TXNDC9: variants seen among roughly 807,000 people sequenced by gnomAD.
TXNDC9 encodes thioredoxin domain-containing protein 9.
TXNDC9 carries 7 observed loss-of-function variants against 23.0 expected under a neutral mutation model. The ratio of observed to expected loss-of-function variants is 0.30; its 90% confidence interval spans 0.17 to 0.57. The LOEUF (loss-of-function observed/expected upper bound fraction) is 0.57. TXNDC9 is among the 20% of genes least tolerant of loss of function. The pLI is 0.90. For missense variants in TXNDC9, 198 were observed against 252.6 expected (o/e 0.78, Z 1.47); for synonymous variants, 72 against 90.6 (o/e 0.79, Z 1.17).
rs545711279 is a variant in TXNDC9 at position 99,331,157 on chromosome 2, A to G, written c.189+1865T>C. On this transcript the variant is annotated intron_variant, in intron 2 of 4. Transcript: ENST00000264255. ...TACAAATAATTATTTTTAGTTGCAC[A>G]TTAGCAATTAGTACTTAAATGTGAC... 2.0e-5 allele frequency among the ~76,000 whole-genome samples: 3 copies of G among 152,348 alleles called. No individual in the cohort carries two copies. The South Asian group carries it at 6.2e-4, about 32-fold the overall frequency.
At chr2:99,307,105 TCTCACTCTCTCTCTCTTTC>T in the TXNDC9 span, among the ~76,000 whole-genome samples, 3 of 120,840 alleles carry the variant, frequency 2.5e-5, no homozygotes, top group Admixed American at 2.4e-4. Flanking sequence ...TCTCTCTCCT[TCTCACTCTCTCTCTCTTTC>T]TCTCTCTCTC....
chr2:99,328,696 C>T (rs183248886), intron 2 of TXNDC9, among the ~76,000 whole-genome samples: 72 of 152,036 alleles, frequency 4.7e-4, no homozygotes, highest in Non-Finnish European at 1.8e-4. Flanking sequence ...GCTCATGAGG[C>T]TGGGTGCAGT....
At chr2:99,308,673 G>A in the TXNDC9 span, among the ~76,000 whole-genome samples, 7 of 151,652 alleles carry the variant, frequency 4.6e-5, no homozygotes, top group Non-Finnish European at 7.4e-5. Flanking sequence ...CAACTGGAAA[G>A]GCCTTTAACA....
chr2:99,334,743 C>G (rs2094234599), intron 1 of TXNDC9, among the ~76,000 whole-genome samples: 1 of 152,146 alleles, frequency 6.6e-6, no homozygotes, highest in Non-Finnish European at 1.5e-5. Context: ...GACGGAGTCT[C>G]GCTCTGTCGC....
chr2:99,335,931 C>T (rs2094238528), intron 1 of TXNDC9, among the ~76,000 whole-genome samples: 4 of 152,348 alleles, frequency 2.6e-5, no homozygotes, highest in Admixed American at 2.6e-4. Flanking sequence ...CCTCAAATTC[C>T]CTAGTCATTT....
intron 2 of TXNDC9, among the ~76,000 whole-genome samples, chr2:99,330,692 G>A (rs2094222694): frequency 2.0e-5 from 3 of 152,198 alleles, no homozygotes. Flanking sequence ...GTGCTTGGCT[G>A]ACAGAAGAAT....
chr2:99,321,805 C>CA (rs1324083868), intron 4 of TXNDC9, 150 bp downstream of exon 4: 7 of 928,078 alleles, frequency 7.5e-6, no homozygotes, highest in Admixed American at 3.1e-5. Context: ...TTACACACTT[C>CA]AAAAAAACAT....
chr2:99,326,436 C>G (rs889850661), intron 3 of TXNDC9, among the ~76,000 whole-genome samples: 3 of 152,216 alleles, frequency 2.0e-5, no homozygotes, highest in Admixed American at 6.5e-5. Context: ...CCTGGGTAGG[C>G]AGGTGCCAGT....
the TXNDC9 span, among the ~76,000 whole-genome samples, chr2:99,307,207 A>G: frequency 6.7e-6 from 1 of 150,104 alleles, no homozygotes; most frequent in African/African-American, 2.4e-5. Context: ...TTGGACCTCA[A>G]TGTGTCAAAG....
downstream of TXNDC9, among the ~76,000 whole-genome samples, chr2:99,316,663 A>T (rs1381042945): frequency 6.6e-6 from 1 of 152,096 alleles, no homozygotes; most frequent in Admixed American, 6.6e-5. Context: ...TTCTACTGTG[A>T]ACACAATCTA....
chr2:99,331,572 G>A (rs1170987264), intron 2 of TXNDC9, among the ~76,000 whole-genome samples: 2 of 151,302 alleles, frequency 1.3e-5, no homozygotes, highest in African/African-American at 4.9e-5. Flanking sequence ...AAATACGGTA[G>A]GGTACAGGTA....
chr2:99,314,529 C>CT (rs55729391), downstream of TXNDC9, among the ~76,000 whole-genome samples: 916 of 97,390 alleles, frequency 9.4e-3, 54 homozygotes, highest in Middle Eastern at 0.041. Flanking sequence ...AATACTACAC[C>CT]TTTTTTTTTT....
At position 99,319,526 on chromosome 2, in the gene TXNDC9, G is replaced by A. The variant is rs1180483464; in HGVS notation, c.*156C>T. 5 of 546,968 alleles carry A rather than the reference G, an allele frequency of 9.1e-6. No individual in the cohort carries two copies. Among genetic ancestry groups the A allele is most frequent in the Middle Eastern group, 4.9e-4 (1 of 2,048 alleles). 33.9% of individuals were successfully genotyped at this position (546,968 alleles called of 1,614,324 possible). ...TCAACTTAAACATGATGGCCACACA[G>A]AAAACAGTAAAGACACTTTTCGATG... On this transcript the variant is annotated 3_prime_UTR_variant, in exon 5 of 5. Coordinates refer to ENST00000264255, the MANE Select transcript of TXNDC9 (RefSeq NM_005783.4).
the TXNDC9 span, among the ~76,000 whole-genome samples, chr2:99,310,535 C>T: frequency 6.6e-6 from 1 of 152,128 alleles, no homozygotes; most frequent in South Asian, 2.1e-4. Context: ...CAGCCTACTC[C>T]CTGGAACCTA....
chr2:99,319,800 CT>C lies in TXNDC9; in HGVS notation c.564-2del. On this transcript the variant is annotated splice_acceptor_variant, in intron 4 of 4. Coordinates refer to ENST00000264255, the MANE Select transcript of TXNDC9 (RefSeq NM_005783.4). LOFTEE classifies it high-confidence loss of function. ...AAATGGTGGCTCCATTAAATTTCCACTTAAAAAAAAAAAAAAGCATTTTATT... is the reference window on the plus strand; with the variant it reads ...AAATGGTGGCTCCATTAAATTTCCACTAAAAAAAAAAAAAAGCATTTTATT... 4 of 1,498,536 alleles carry C rather than the reference CT, an allele frequency of 2.7e-6. No homozygotes were observed. Among genetic ancestry groups the C allele is most frequent in the Non-Finnish European group, 3.6e-6 (4 of 1,106,652 alleles). 92.8% of individuals were successfully genotyped at this position (1,498,536 alleles called of 1,614,324 possible). A position where few individuals can be genotyped will look rare whatever the true frequency, so the allele number is the denominator to read the frequency against.
intron 1 of TXNDC9, among the ~76,000 whole-genome samples, chr2:99,334,575 A>C (rs556383065): frequency 1.3e-5 from 2 of 152,346 alleles, no homozygotes; most frequent in Non-Finnish European, 2.9e-5. Flanking sequence ...CTGTAACATA[A>C]TGGCATTTGT....
intron 2 of TXNDC9, among the ~76,000 whole-genome samples, chr2:99,330,144 G>C (rs1450428171): frequency 6.6e-6 from 1 of 151,362 alleles, no homozygotes; most frequent in Non-Finnish European, 1.5e-5. Context: ...ACAAAAATTA[G>C]CCGGGCATGG....
chr2:99,336,173 A>G, intron 1 of TXNDC9, 66 bp downstream of exon 1: 1 of 979,972 alleles, frequency 1.0e-6, no homozygotes, highest in Non-Finnish European at 1.2e-6. Flanking sequence ...CCGGATGTGG[A>G]GCAGCAGAAT....
At chr2:99,316,300 CAAG>C (rs990088577), downstream of TXNDC9, among the ~76,000 whole-genome samples, 7 of 152,020 alleles carry the variant, frequency 4.6e-5, no homozygotes, top group African/African-American at 1.7e-4. Flanking sequence ...CTCAGCCTCT[CAAG>C]TAGTTATGAG....
Sources: gnomAD v4.1 joint callset for allele counts (sites outside exome capture counted in the v4.1 genomes callset) on GRCh38, gnomAD v4.1.1 for gene constraint, MANE v1.5 for transcripts, NCBI Gene and HGNC (gene_info 2026-07-23, HGNC 2026-07-21) for gene names.